CGN: variants seen among roughly 807,000 people sequenced by gnomAD.
The protein encoded by CGN is cingulin.
Under a neutral mutation model 157.1 loss-of-function variants are expected in CGN, and 121 were observed. The ratio of observed to expected loss-of-function variants is 0.77; its 90% confidence interval spans 0.66 to 0.90. The LOEUF is 0.90. Ranked by LOEUF, CGN falls within the 40% of genes least tolerant of loss-of-function variation. The pLI is 0.00. For synonymous variants in CGN, 535 were observed against 607.5 expected, an observed-to-expected ratio of 0.88 and a Z score of 1.76; for missense variants, 1,424 against 1,520.9, an observed-to-expected ratio of 0.94 and a Z score of 1.06.
At chr1:151,518,041 T>C (rs1230489204) in intron 1 of CGN, among the ~76,000 whole-genome samples, 1 of 152,128 alleles carries the variant, frequency 6.6e-6, no homozygotes, top group African/African-American at 2.4e-5. Flanking sequence ...GAGATGGGGT[T>C]TCACCATGTT....
intron 1 of CGN, among the ~76,000 whole-genome samples, chr1:151,513,322 T>C (rs1389121773): frequency 6.6e-6 from 1 of 152,192 alleles, no homozygotes; most frequent in East Asian, 1.9e-4. Context: ...TGTGTTTTTT[T>C]CCCTACTGGC....
In CGN at chr1:151,535,808, G is replaced by A; in HGVS notation, c.3107G>A (p.Ser1036Asn). 1.9e-6 allele frequency: 3 copies of A among 1,614,212 alleles called. No homozygotes were observed. The highest frequency in any genetic ancestry group is 1.7e-6 in the Non-Finnish European group (2 of 1,180,036). The change falls in exon 18 of 21, where the codon AGC becomes AAC. Residue 1036 changes from serine to asparagine, a missense_variant. Around this residue, in one of 3 missense-constraint regions of CGN, gnomAD observed 199 missense variants for 272.2 expected, o/e 0.73. Coordinates refer to ENST00000271636, the MANE Select transcript of CGN (RefSeq NM_020770.3). The stretch of plus-strand genomic sequence containing the variant: ...AAGGACCTGAAGACCCGGTTGGCCA[G>A]CTCAGAAGGCTTCCAGAAGCCTAGT... ...QNKDLKTRLA[S>N]SEGFQKPSAS...
chr1:151,529,427 G>A lies in CGN; in HGVS notation c.1974G>A (p.Arg658=), dbSNP rs772246567. Residue 658 remains arginine (R), a synonymous_variant, in exon 11 of 21, where the codon CGG becomes CGA. Transcript: ENST00000271636. The part of the protein sequence containing the change: ...RQSQEVAGRH[R]DRELEKQLAV... ...GCCAGGAGGTGGCTGGGCGACACCG[G>A]GACCGGGAGTTGGAGAAGCAGCTGG... 3 of 1,613,776 alleles carry A rather than the reference G, an allele frequency of 1.9e-6. No individual in the cohort carries two copies. The highest frequency in any genetic ancestry group is 2.2e-5 in the East Asian group (1 of 44,860).
intron 14 of CGN, among the ~76,000 whole-genome samples, chr1:151,533,737 T>C (rs1664892671): frequency 6.6e-6 from 1 of 151,976 alleles, no homozygotes; most frequent in Admixed American, 6.6e-5. Flanking sequence ...GAGATTGCTG[T>C]AAGCTGAGAT....
intron 11 of CGN, 45 bp from the exon 12 acceptor site, chr1:151,529,864 G>T: frequency 6.4e-7 from 1 of 1,567,326 alleles, no homozygotes; most frequent in Non-Finnish European, 8.7e-7. Context: ...GGTCTGAGCT[G>T]CCACGCCCTG....
intron 13 of CGN, among the ~76,000 whole-genome samples, chr1:151,531,632 G>T (rs1229841720): frequency 6.6e-6 from 1 of 151,762 alleles, no homozygotes; most frequent in Non-Finnish European, 1.5e-5. Context: ...TACAGCAAGA[G>T]CCTGTCAAAA....
chr1:151,515,898 C>T (rs1276855621), intron 1 of CGN, among the ~76,000 whole-genome samples: 1 of 152,192 alleles, frequency 6.6e-6, no homozygotes, highest in Non-Finnish European at 1.5e-5. Context: ...AACTACTTTA[C>T]CTGTCTGCCT....
intron 19 of CGN, 101 bp from the exon 20 acceptor site, chr1:151,536,629 T>C (rs1571672795): frequency 2.4e-6 from 3 of 1,269,440 alleles, no homozygotes; most frequent in East Asian, 4.8e-5. Context: ...AGGCCACATT[T>C]TTCCAGCGGC....
chr1:151,530,858 T>G (rs1209335617), intron 13 of CGN, 112 bp downstream of exon 13: 2 of 1,171,162 alleles, frequency 1.7e-6, no homozygotes, highest in African/African-American at 3.1e-5. Context: ...GTGATGATTA[T>G]GGCCAGGTGC....
chr1:151,526,281 C>T (rs1192829771), intron 9 of CGN, among the ~76,000 whole-genome samples: 3 of 141,472 alleles, frequency 2.1e-5, no homozygotes, highest in Non-Finnish European at 3.1e-5. Context: ...TGGGTTCAAG[C>T]GATTCTCCTG....
chr1:151,520,591 G>A lies in CGN; in HGVS notation c.1045-5G>A, dbSNP rs749474756. 1.2e-6 allele frequency: 2 copies of A among 1,614,022 alleles called. No homozygotes were observed. Among genetic ancestry groups the A allele is most frequent in the Admixed American group, 1.7e-5 (1 of 59,998 alleles). The stretch of plus-strand genomic sequence containing the variant: ...CTTCCCCCACACCCCCCATATCTCT[G>A]GCAGATGGTTTCTTCTGGTTCTACT... On this transcript the variant is annotated splice_region_variant and splice_polypyrimidine_tract_variant and intron_variant, in intron 4 of 20. Transcript: ENST00000271636.
Position 151,524,272 on chromosome 1 carries a change from C to G in CGN, c.1315C>G (p.His439Asp), listed in dbSNP as rs776903089. 1.3e-5 allele frequency: 21 copies of G among 1,614,192 alleles called. No homozygotes were observed. Among genetic ancestry groups the G allele is most frequent in the Non-Finnish European group, 1.7e-5 (20 of 1,180,018 alleles). Reference sequence around the variant, plus strand: ...CTTGGACCAGGGTGAAGATTTACGACATGGGCTGGAGACCCAGGTGATGGA... The same window carrying G: ...CTTGGACCAGGGTGAAGATTTACGAGATGGGCTGGAGACCCAGGTGATGGA... ...RLLDQGEDLR[H>D]GLETQVMELQ... is the part of the protein sequence containing the mutation. Residue 439 changes from histidine to aspartate, a missense_variant, in exon 7 of 21, where the codon CAT becomes GAT. Physicochemically the swap from His to Asp is moderately conservative, Grantham distance 81. Coordinates refer to ENST00000271636, the MANE Select transcript of CGN (RefSeq NM_020770.3). This position sits in a 1 kb window ranked among gnomAD's most constrained non-coding sequence, Gnocchi z 4.4.
intron 19 of CGN, 121 bp downstream of exon 19, chr1:151,536,466 A>G: frequency 1.5e-6 from 1 of 660,698 alleles, no homozygotes; most frequent in East Asian, 2.7e-5. Context: ...TTCCTTGTAT[A>G]AGGACAGAGA....
At position 151,529,947 on chromosome 1, in the gene CGN, G is replaced by A; in HGVS notation, c.2145G>A (p.Gly715=). ...CCGAGGCAGAGGCAACAGTGCTGGG[G>A]CAGCGGCGGGCCGCAGTGGAGACGA... The part of the protein sequence containing the change: ...MVAEAEATVL[G]QRRAAVETTL... The change falls in exon 12 of 21, where the codon GGG becomes GGA. Residue 715 remains glycine (G), a synonymous_variant. Coordinates refer to ENST00000271636, the MANE Select transcript of CGN (RefSeq NM_020770.3). 1.9e-6 allele frequency: 3 copies of A among 1,614,124 alleles called. No individual in the cohort carries two copies. The highest frequency in any genetic ancestry group is 2.7e-5 in the African/African-American group (2 of 75,042).
At chr1:151,531,124 G>A (rs149525972) in intron 13 of CGN, among the ~76,000 whole-genome samples, 1 of 151,386 alleles carries the variant, frequency 6.6e-6, no homozygotes, top group African/African-American at 2.4e-5. Context: ...CTGGGTGACA[G>A]AGCAAGACTC....
In CGN at chr1:151,536,735, C is replaced by T. The variant is rs1038288937; in HGVS notation, c.3312C>T (p.Ser1104=). The T allele has an allele frequency of 6.8e-6, 11 of 1,613,888 alleles. No individual in the cohort carries two copies. The African/African-American group carries it at 1.3e-4, about 20-fold the overall frequency. ...GGACTTGGTATCCTGCCCAGCTAAG[C>T]CTGAGGGTGAAGGCTTTGAAGCGTC... The part of the protein sequence containing the change: ...QHVNDQKDQL[S]LRVKALKRQV... Residue 1104 remains serine, a synonymous_variant, in exon 20 of 21, where the codon AGC becomes AGT. Transcript: ENST00000271636.
At chr1:151,528,315 C>G (rs1475411708) in intron 10 of CGN, among the ~76,000 whole-genome samples, 3 of 151,828 alleles carry the variant, frequency 2.0e-5, no homozygotes, top group Non-Finnish European at 4.4e-5. Flanking sequence ...AAACAACCAG[C>G]CTTACTAGCC....
At position 151,525,061 on chromosome 1, in the gene CGN, G is replaced by A. The variant is rs539236439; in HGVS notation, c.1614+175G>A. ...GGCAGGAAAACTATAGGGGCAGAGG[G>A]AGGGAGTACAGGCCAGAAGTACCTT... On this transcript the variant is annotated intron_variant, in intron 8 of 20. Coordinates refer to ENST00000271636, the MANE Select transcript of CGN (RefSeq NM_020770.3). Among the ~76,000 whole-genome samples the A allele has an allele frequency of 5.3e-5, 8 of 152,306 alleles. No homozygotes were observed. In the South Asian group the frequency reaches 1.5e-3, roughly 28 times the overall value.
chr1:151,532,912 C>T (rs971159456), intron 14 of CGN, among the ~76,000 whole-genome samples: 1 of 152,118 alleles, frequency 6.6e-6, no homozygotes, highest in African/African-American at 2.4e-5. Flanking sequence ...AGCCACTGCG[C>T]CCAGCCCGGT....
Sources: gnomAD v4.1 joint callset for allele counts (sites outside exome capture counted in the v4.1 genomes callset) on GRCh38, gnomAD v4.1.1 for gene constraint, gnomAD v4.1.1 regional missense constraint, Gnocchi (gnomAD v3.1) non-coding constraint, MANE v1.5 for transcripts, NCBI Gene and HGNC (gene_info 2026-07-23, HGNC 2026-07-21) for gene names.